KIAA1549: variants seen among roughly 807,000 people sequenced by gnomAD.
KIAA1549 encodes UPF0606 protein KIAA1549.
Under a neutral mutation model 156.4 loss-of-function variants are expected in KIAA1549, and 70 were observed. The observed-to-expected ratio is 0.45, with a 90% CI of 0.37 to 0.55. The LOEUF is 0.55. Ranked by LOEUF, KIAA1549 falls within the 20% of genes least tolerant of loss-of-function variation. The probability of loss-of-function intolerance (pLI) is 0.00; values close to 1 mark genes in which losing one functional copy is unlikely to be tolerated. For missense variants in KIAA1549, 2,428 were observed against 2,540.9 expected, an observed-to-expected ratio of 0.96 and a Z score of 0.96; for synonymous variants, 1,103 against 1,066.4, an observed-to-expected ratio of 1.03 and a Z score of -0.67.
chr7:138,870,863 G>C (rs1248163948), intron 13 of KIAA1549, among the ~76,000 whole-genome samples: 2 of 152,126 alleles, frequency 1.3e-5, no homozygotes, highest in African/African-American at 2.4e-5. Context: ...TGTCAACCAG[G>C]CTGGAGTGCA....
Position 138,917,719 on chromosome 7 carries a change from C to G in KIAA1549, c.1907G>C (p.Gly636Ala). Residue 636 changes from glycine to alanine, a missense_variant, in exon 2 of 20, where the codon GGC (glycine) becomes GCC (alanine). Physicochemically the swap from Gly to Ala is moderately conservative, Grantham distance 60 (BLOSUM62 0). Coordinates refer to ENST00000422774, the MANE Select transcript of KIAA1549 (RefSeq NM_001164665.2). ...FFSTPPLELS[G>A]SISSPSEAPA... ...TGCTTCCGAAGGCGAAGAGATGGAGCCGCTGAGTTCCAGCGGGGGTGTTGA... is the reference window on the plus strand; with the variant it reads ...TGCTTCCGAAGGCGAAGAGATGGAGGCGCTGAGTTCCAGCGGGGGTGTTGA... 1 of 1,596,878 alleles carries G rather than the reference C, an allele frequency of 6.3e-7. No homozygotes were observed. Among genetic ancestry groups the G allele is most frequent in the Non-Finnish European group, 8.5e-7 (1 of 1,171,478 alleles).
chr7:138,890,227 A>G (rs1199423053), intron 10 of KIAA1549, among the ~76,000 whole-genome samples: 2 of 152,192 alleles, frequency 1.3e-5, no homozygotes, highest in South Asian at 2.1e-4. Flanking sequence ...ATGAATGTGA[A>G]CACGTGGGCC....
intron 1 of KIAA1549, among the ~76,000 whole-genome samples, chr7:138,967,482 G>A (rs527378178): frequency 1.0e-3 from 152 of 152,236 alleles, no homozygotes; most frequent in African/African-American, 3.2e-3. Flanking sequence ...AATGCATATC[G>A]TTTTTATAAT....
intron 10 of KIAA1549, among the ~76,000 whole-genome samples, chr7:138,891,207 T>C (rs1000683350): frequency 6.6e-6 from 1 of 152,238 alleles, no homozygotes; most frequent in African/African-American, 2.4e-5. Context: ...CTGGTGTGGC[T>C]CACAGCAAAT....
intron 1 of KIAA1549, among the ~76,000 whole-genome samples, chr7:138,943,210 G>A (rs1353670326): frequency 6.6e-6 from 1 of 152,134 alleles, no homozygotes; most frequent in Non-Finnish European, 1.5e-5. Flanking sequence ...GATGCGTCAC[G>A]AGTCCCCCTC....
At chr7:138,957,996 T>A (rs192932183) in intron 1 of KIAA1549, among the ~76,000 whole-genome samples, 2 of 152,328 alleles carry the variant, frequency 1.3e-5, no homozygotes, top group African/African-American at 4.8e-5. Context: ...TCTGCATATA[T>A]TGCTATTAAT....
chr7:138,914,666 T>C (rs983155478), intron 2 of KIAA1549, among the ~76,000 whole-genome samples: 2 of 152,130 alleles, frequency 1.3e-5, no homozygotes, highest in African/African-American at 4.8e-5. Context: ...GGGTCAAAGG[T>C]ATCACCAGGA....
At chr7:138,961,289 G>A (rs929427557) in intron 1 of KIAA1549, among the ~76,000 whole-genome samples, 14 of 152,210 alleles carry the variant, frequency 9.2e-5, no homozygotes, top group Non-Finnish European at 1.9e-4. Context: ...AGATCTTGGC[G>A]TTCTTCTTTT....
intron 1 of KIAA1549, among the ~76,000 whole-genome samples, chr7:138,957,984 T>C (rs983213121): frequency 6.6e-6 from 1 of 152,256 alleles, no homozygotes; most frequent in African/African-American, 2.4e-5. Context: ...TGTATGTGCA[T>C]CTCTGCATAT....
At chr7:138,857,887 AT>A (rs977731517) in intron 16 of KIAA1549, among the ~76,000 whole-genome samples, 1 of 152,110 alleles carries the variant, frequency 6.6e-6, no homozygotes, top group Admixed American at 6.5e-5. Flanking sequence ...GTATCTTTGT[AT>A]TTAATGAAGG....
At chr7:138,868,436 T>A (rs926494243) in intron 14 of KIAA1549, among the ~76,000 whole-genome samples, 4 of 152,186 alleles carry the variant, frequency 2.6e-5, no homozygotes, top group African/African-American at 7.2e-5. Context: ...TATTTTATTA[T>A]TCTTTTTTTG....
rs1584697567 is a variant in KIAA1549 at position 138,844,436 on chromosome 7, A to G, written c.5333T>C (p.Leu1778Pro). Residue 1778 changes from leucine (L) to proline (P), a missense_variant, in exon 18 of 20, where the codon CTG becomes CCG. Transcript: ENST00000422774. The part of the protein sequence containing the change: ...FGPGLLQSTE[L>P]VPPDPQQPQA... ...TGGCTGCTGAGGGTCAGGGGGCACCAGCTCTGTAGACTGCAGCAAACCGGG... is the reference window on the plus strand; with the variant it reads ...TGGCTGCTGAGGGTCAGGGGGCACCGGCTCTGTAGACTGCAGCAAACCGGG... 1 of 1,567,554 alleles carries G rather than the reference A, an allele frequency of 6.4e-7. No homozygotes were observed. Among genetic ancestry groups the G allele is most frequent in the African/African-American group, 1.4e-5 (1 of 73,224 alleles).
intron 3 of KIAA1549, among the ~76,000 whole-genome samples, chr7:138,911,961 T>C (rs1812182285): frequency 6.6e-6 from 1 of 152,190 alleles, no homozygotes; most frequent in Admixed American, 6.5e-5. Context: ...GTCTAAAAGA[T>C]TTGGATCTCC....
chr7:138,921,680 C>T (rs1290969164), intron 1 of KIAA1549, among the ~76,000 whole-genome samples: 2 of 152,082 alleles, frequency 1.3e-5, no homozygotes, highest in Non-Finnish European at 2.9e-5. Context: ...GCCTGGCCAA[C>T]GTGGCAAAAC....
chr7:138,863,327 A>G (rs980067105), intron 15 of KIAA1549, among the ~76,000 whole-genome samples: 2 of 151,980 alleles, frequency 1.3e-5, no homozygotes, highest in Admixed American at 1.3e-4. Flanking sequence ...AAAGGGGCCA[A>G]CGAAGACATT....
At position 138,956,228 on chromosome 7, in the gene KIAA1549, G is replaced by A. The variant is rs531635838; in HGVS notation, c.187+24855C>T. ...GTTCATGGAACAGGTCTGGAATGAA[G>A]ATGTAGTTCCAGGTGATCTTCAAGA... On this transcript the variant is annotated intron_variant, in intron 1 of 19. Transcript: ENST00000422774. 2.6e-5 allele frequency among the ~76,000 whole-genome samples: 4 copies of A among 152,296 alleles called. No homozygotes were observed. In the East Asian group the frequency reaches 5.8e-4, roughly 22 times the overall value.
Position 138,881,430 on chromosome 7 carries a change from G to T in KIAA1549, c.4187C>A (p.Pro1396His), listed in dbSNP as rs757533714. 6.2e-7 allele frequency: 1 copy of T among 1,613,982 alleles called. No homozygotes were observed. ...ATTCTTGGAAGGGATCTTTGACTTG[G>T]GGCTTGGCACGTCTCCATTTTCCGA... is the stretch of plus-strand genomic sequence containing the variant. ...TPSENGDVPSPKSKIPSKNVR... is the reference protein window; with the variant it reads ...TPSENGDVPSHKSKIPSKNVR... Residue 1396 changes from proline (P) to histidine (H), a missense_variant, in exon 11 of 20, where the codon CCC becomes CAC. By Grantham distance (77) the Pro-to-His change is moderately conservative. Transcript: ENST00000422774.
At chr7:138,883,540 C>T (rs2130412341) in intron 10 of KIAA1549, among the ~76,000 whole-genome samples, 1 of 152,130 alleles carries the variant, frequency 6.6e-6, no homozygotes, top group African/African-American at 2.4e-5. Flanking sequence ...TGGTCTCAAA[C>T]TCCTGGTCTC....
chr7:138,846,899 C>A (rs1810093958), intron 17 of KIAA1549, among the ~76,000 whole-genome samples: 1 of 152,196 alleles, frequency 6.6e-6, no homozygotes, highest in Non-Finnish European at 1.5e-5. Flanking sequence ...ATCTCATAAA[C>A]TGAAACCCAG....
Sources: gnomAD v4.1 joint callset for allele counts (sites outside exome capture counted in the v4.1 genomes callset) on GRCh38, gnomAD v4.1.1 for gene constraint, MANE v1.5 for transcripts, NCBI Gene and HGNC (gene_info 2026-07-23, HGNC 2026-07-21) for gene names.